NIPBL: variants seen among roughly 807,000 people sequenced by gnomAD.
NIPBL encodes the protein nipped-B-like protein.
NIPBL carries 19 observed loss-of-function variants against 321.8 expected under a neutral mutation model. That is an observed-to-expected ratio of 0.06 (90% CI 0.04 to 0.09). The LOEUF (loss-of-function observed/expected upper bound fraction) is 0.09. NIPBL is among the 10% of genes least tolerant of loss of function. The probability of loss-of-function intolerance (pLI) is 1.00; values close to 1 mark genes in which losing one functional copy is unlikely to be tolerated. For synonymous variants in NIPBL, 1,106 were observed against 1,114.1 expected, an observed-to-expected ratio of 0.99 and a Z score of 0.14; for missense variants, 2,210 against 3,327.0, an observed-to-expected ratio of 0.66 and a Z score of 8.26.
intron 27 of NIPBL, 111 bp downstream of exon 27, chr5:37,020,988 T>C: frequency 1.2e-6 from 1 of 859,016 alleles, no homozygotes; most frequent in Non-Finnish European, 2.0e-6. Context: ...TAAAAGATCA[T>C]AGATGTAGTA....
At chr5:37,034,894 A>G (rs564341328) in intron 32 of NIPBL, among the ~76,000 whole-genome samples, 20 of 152,206 alleles carry the variant, frequency 1.3e-4, no homozygotes, top group Non-Finnish European at 2.2e-4. Flanking sequence ...TCATGAGTCA[A>G]AATTTATGAT....
intron 21 of NIPBL, among the ~76,000 whole-genome samples, chr5:37,011,214 C>T (rs947604677): frequency 3.9e-5 from 6 of 152,058 alleles, no homozygotes; most frequent in African/African-American, 1.4e-4. Flanking sequence ...CTGTTAGAGC[C>T]AAGCATATGT....
chr5:36,912,843 G>GT (rs1395443120), intron 1 of NIPBL, among the ~76,000 whole-genome samples: 2 of 151,894 alleles, frequency 1.3e-5, no homozygotes, highest in Admixed American at 1.3e-4. Flanking sequence ...TTTCTCTGGT[G>GT]TTTCCATTAG....
At chr5:37,018,263 T>C (rs1200833240) in intron 24 of NIPBL, among the ~76,000 whole-genome samples, 1 of 152,206 alleles carries the variant, frequency 6.6e-6, no homozygotes, top group East Asian at 1.9e-4. Context: ...CTTAAATATC[T>C]ATAGTACAAT....
intron 1 of NIPBL, among the ~76,000 whole-genome samples, chr5:36,919,511 TCTTTAC>T (rs1369319105): frequency 6.6e-6 from 1 of 152,140 alleles, no homozygotes; most frequent in African/African-American, 2.4e-5. Context: ...ACTTTTTTTC[TCTTTAC>T]CATGTGCTTC....
Position 36,962,166 on chromosome 5 carries a change from C to G in NIPBL, c.502C>G (p.Pro168Ala). 6.2e-7 allele frequency: 1 copy of G among 1,614,086 alleles called. No homozygotes were observed. The highest frequency in any genetic ancestry group is 8.5e-7 in the Non-Finnish European group (1 of 1,179,978). ...PQTSSGNRFM[P>A]QQNSPVPSPY... ...GACAAGCTCTGGGAACAGATTTATGCCACAGCAAAATAGCCCAGTGCCTAG... is the reference window on the plus strand; with the variant it reads ...GACAAGCTCTGGGAACAGATTTATGGCACAGCAAAATAGCCCAGTGCCTAG... Residue 168 changes from proline to alanine, a missense_variant, in exon 6 of 47, where the codon CCA (proline) becomes GCA (alanine). Coordinates refer to ENST00000282516, the MANE Select transcript of NIPBL (RefSeq NM_133433.4).
At chr5:37,024,878 T>G (rs1011754003) in intron 30 of NIPBL, among the ~76,000 whole-genome samples, 159 bp downstream of exon 30, 1 of 152,192 alleles carries the variant, frequency 6.6e-6, no homozygotes, top group Non-Finnish European at 1.5e-5. Context: ...TTTTTTTTGT[T>G]TCTAGATTTT....
chr5:36,974,944 C>T (rs1471832916), intron 8 of NIPBL, among the ~76,000 whole-genome samples: 1 of 151,914 alleles, frequency 6.6e-6, no homozygotes, highest in Non-Finnish European at 1.5e-5. Flanking sequence ...TGAAGCATAT[C>T]AATGCACTTT....
At chr5:36,878,976 G>A (rs543072659) in intron 1 of NIPBL, among the ~76,000 whole-genome samples, 34 of 147,086 alleles carry the variant, frequency 2.3e-4, no homozygotes, top group African/African-American at 7.6e-4. Context: ...CTGCGGGTGG[G>A]GGGGTGTGCG....
chr5:36,970,809 T>A, intron 6 of NIPBL, 67 bp from the exon 7 acceptor site: 1 of 1,334,096 alleles, frequency 7.5e-7, no homozygotes, highest in Non-Finnish European at 1.1e-6. Flanking sequence ...TATTTGTGAA[T>A]AATTACTATT....
intron 1 of NIPBL, among the ~76,000 whole-genome samples, chr5:36,892,737 G>A (rs995747345): frequency 9.2e-5 from 14 of 151,920 alleles, no homozygotes; most frequent in African/African-American, 3.1e-4. Flanking sequence ...GAATTGAACA[G>A]TGAGAACCCT....
chr5:37,037,984 CTT>C (rs34425779), intron 33 of NIPBL, among the ~76,000 whole-genome samples: 1,296 of 116,166 alleles, frequency 0.011, 30 homozygotes, highest in African/African-American at 0.041. Flanking sequence ...TATTCACTTC[CTT>C]TTTTTTTTTT....
intron 32 of NIPBL, among the ~76,000 whole-genome samples, chr5:37,031,114 G>T (rs1750965332): frequency 6.6e-6 from 1 of 151,960 alleles, no homozygotes; most frequent in Non-Finnish European, 1.5e-5. Context: ...CTCCCGAGTA[G>T]CTGGAATTAC....
chr5:37,027,237 T>G (rs372495496), intron 31 of NIPBL, 122 bp from the exon 32 acceptor site: 25 of 777,512 alleles, frequency 3.2e-5, no homozygotes, highest in East Asian at 3.0e-4. Flanking sequence ...AATAGTTTAC[T>G]TTAAAAATAA....
intron 1 of NIPBL, among the ~76,000 whole-genome samples, chr5:36,942,559 G>A (rs563458784): frequency 6.6e-6 from 1 of 151,356 alleles, no homozygotes; most frequent in South Asian, 2.1e-4. Context: ...GGCCAAGATG[G>A]TGAAACCCCA....
intron 8 of NIPBL, among the ~76,000 whole-genome samples, chr5:36,973,140 T>C (rs1392689615): frequency 1.3e-5 from 2 of 152,164 alleles, no homozygotes; most frequent in East Asian, 3.8e-4. Flanking sequence ...GAAAACTGTC[T>C]TCTACTTTTT....
rs1554029663 is a variant in NIPBL at position 37,036,363 on chromosome 5, A to ATATATATATATATATG, written c.5863-11_5863-10insATATATATATGTATAT. On this transcript the variant is annotated splice_polypyrimidine_tract_variant and intron_variant, in intron 32 of 46. Transcript: ENST00000282516. The stretch of plus-strand genomic sequence containing the variant: ...TATATATATGTATATATATATATAT[A>ATATATATATATATATG]TATATGTATATATAGTTGTTGAAGT... 25 of 575,924 alleles carry ATATATATATATATATG rather than the reference A, an allele frequency of 4.3e-5. No individual in the cohort carries two copies. The African/African-American group carries it at 4.7e-4, about 11-fold the overall frequency. The allele number at this position is 575,924 out of a possible 1,614,324, so 35.7% of individuals were successfully genotyped here.
chr5:37,016,141 C>G lies in NIPBL; in HGVS notation c.4747C>G (p.Leu1583Val), dbSNP rs1472607534. Residue 1583 changes from leucine to valine, a missense_variant, in exon 23 of 47, where the codon CTA becomes GTA. By Grantham distance (32) the Leu-to-Val change is conservative (BLOSUM62 1). Around this residue, in one of 14 missense-constraint regions of NIPBL, gnomAD observed 28 missense variants for 91.3 expected, o/e 0.31. Coordinates refer to ENST00000282516, the MANE Select transcript of NIPBL (RefSeq NM_133433.4). ...TAAGCCTGAATGGCCAGCTGCTGAA[C>G]TACTCCTTAGTTTGTTAGGGAGACT... ...VNKPEWPAAE[L>V]LLSLLGRLLV... is the part of the protein sequence containing the mutation. The G allele has an allele frequency of 1.2e-6, 2 of 1,613,936 alleles. No individual in the cohort carries two copies. The highest frequency in any genetic ancestry group is 3.3e-5 in the Admixed American group (2 of 60,022).
Position 37,052,411 on chromosome 5 carries a change from G to T in NIPBL, c.7108G>T (p.Ala2370Ser). 2 of 1,614,068 alleles carry T rather than the reference G, an allele frequency of 1.2e-6. No individual in the cohort carries two copies. Among genetic ancestry groups the T allele is most frequent in the Non-Finnish European group, 1.7e-6 (2 of 1,180,004 alleles). ...GAAGATGTCTTACCAGGTACAACAG[G>T]CAATCAACACATGCCTAAAAGATCC... ...GMKMSYQVQQ[A>S]INTCLKDPVR... Residue 2370 changes from alanine (A) to serine (S), a missense_variant, in exon 42 of 47, where the codon GCA (alanine) becomes TCA (serine). This residue lies in a region of NIPBL where 112 missense variants were observed against 288.3 expected (regional missense o/e 0.39). Coordinates refer to ENST00000282516, the MANE Select transcript of NIPBL (RefSeq NM_133433.4).
Sources: gnomAD v4.1 joint callset for allele counts (sites outside exome capture counted in the v4.1 genomes callset) on GRCh38, gnomAD v4.1.1 for gene constraint, gnomAD v4.1.1 regional missense constraint, MANE v1.5 for transcripts, NCBI Gene and HGNC (gene_info 2026-07-23, HGNC 2026-07-21) for gene names.